The following RBFOX1 variants were observed in gnomAD, a reference collection of about 807,000 sequenced individuals.
The protein encoded by RBFOX1 is RNA binding protein fox-1 homolog 1.
In RBFOX1, 8 loss-of-function variants were observed where a neutral mutation model predicts 57.7. The ratio of observed to expected loss-of-function variants is 0.14; its 90% CI spans 0.08 to 0.25. RBFOX1 has a LOEUF of 0.25. Among genes scored for constraint, RBFOX1 ranks in the 10% least tolerant of loss-of-function variants. RBFOX1 has a pLI of 1.00. For missense variants in RBFOX1, 611 were observed against 548.5 expected, an observed-to-expected ratio of 1.11 and a Z score of -1.14; for synonymous variants, 326 against 222.4, an observed-to-expected ratio of 1.47 and a Z score of -4.15.
At chr16:6,607,589 C>CCTCT (rs942211562) in intron 2 of RBFOX1, among the ~76,000 whole-genome samples, 1 of 149,778 alleles carries the variant, frequency 6.7e-6, no homozygotes. Flanking sequence ...CTGTCTCCCT[C>CCTCT]CTCTCTCTCT....
At chr16:6,944,393 C>G (rs74958287) in intron 3 of RBFOX1, among the ~76,000 whole-genome samples, 18,607 of 125,440 alleles carry the variant, frequency 0.15, 1,309 homozygotes, top group East Asian at 0.28. Flanking sequence ...GACTCCATCT[C>G]AGAGAAAAAA....
rs60150908 is a variant in RBFOX1 at position 6,277,665 on chromosome 16, CAAA to C, written c.-126-39311_-126-39309del. Among the ~76,000 whole-genome samples, 878 of 119,052 alleles carry C rather than the reference CAAA, an allele frequency of 7.4e-3. 4 individuals carry two copies. Among genetic ancestry groups the C allele is most frequent in the African/African-American group, 0.016 (494 of 30,716 alleles). The allele number at this position is 119,052 out of a possible 152,430, so 78.1% of individuals were successfully genotyped here. A position where few individuals can be genotyped will look rare whatever the true frequency, so the allele number is the denominator to read the frequency against. ...TGGGCTACAGAGAAAGACCTTGTCTCAAAAAAAAAAAAAAAAAAAAATGTCCAT... is the reference window on the plus strand; with the variant it reads ...TGGGCTACAGAGAAAGACCTTGTCTCAAAAAAAAAAAAAAAAAATGTCCAT... On this transcript the variant is annotated intron_variant, in intron 1 of 15. Transcript: ENST00000550418.
rs1387778686 is a variant in RBFOX1 at position 6,019,398 on chromosome 16, C to G, written c.-721C>G. The G allele has an allele frequency of 4.1e-6, 4 of 986,224 alleles. No homozygotes were observed. In the African/African-American group the frequency reaches 7.0e-5, roughly 17 times the overall value. The allele number at this position is 986,224 out of a possible 1,614,324, so 61.1% of individuals were successfully genotyped here. A position where few individuals can be genotyped will look rare whatever the true frequency, so the allele number is the denominator to read the frequency against. ...TGCCCTGAAGTGGTTCTCCAAGCAGCGCGGAGGGTGGCGGACGGCGGACGG... is the reference window on the plus strand; with the variant it reads ...TGCCCTGAAGTGGTTCTCCAAGCAGGGCGGAGGGTGGCGGACGGCGGACGG... On this transcript the variant is annotated 5_prime_UTR_variant, in exon 1 of 16. Transcript: ENST00000550418. The surrounding 1 kb of genome is among the most constrained non-coding windows in gnomAD (Gnocchi z 4.2).
chr16:7,134,141 C>T (rs2071272061), intron 4 of RBFOX1, among the ~76,000 whole-genome samples: 1 of 152,054 alleles, frequency 6.6e-6, no homozygotes, highest in African/African-American at 2.4e-5. Context: ...ATCATAAAAA[C>T]GGTGGTCAGC....
chr16:7,466,184 G>T (rs369316860), intron 4 of RBFOX1, among the ~76,000 whole-genome samples: 4 of 152,292 alleles, frequency 2.6e-5, no homozygotes, highest in African/African-American at 9.6e-5. Context: ...AGCTAGCACA[G>T]TTGTAATTTG....
At chr16:7,671,420 G>A in intron 13 of RBFOX1, 1 of 721,896 alleles carries the variant, frequency 1.4e-6, no homozygotes, top group Non-Finnish European at 2.3e-6. Flanking sequence ...CAGCTTGGTG[G>A]GCCAGTCCCA....
rs76599179 is a variant in RBFOX1 at position 7,415,130 on chromosome 16, A to G, written c.28-103017A>G. Reference sequence around the variant, plus strand: ...CTGTAATCCTCTTAAGGAACTAATTATTTTGTTACCATTTTCTGTATTTAT... The same window carrying G: ...CTGTAATCCTCTTAAGGAACTAATTGTTTTGTTACCATTTTCTGTATTTAT... On this transcript the variant is annotated intron_variant, in intron 4 of 15. Transcript: ENST00000550418. Among the ~76,000 whole-genome samples, 293 of 152,286 alleles carry G rather than the reference A, an allele frequency of 1.9e-3. 2 individuals are homozygous for G. The highest frequency in any genetic ancestry group is 6.7e-3 in the African/African-American group (280 of 41,566).
chr16:6,436,121 A>G (rs2153015867), intron 2 of RBFOX1, among the ~76,000 whole-genome samples: 1 of 152,308 alleles, frequency 6.6e-6, no homozygotes, highest in Non-Finnish European at 1.5e-5. Flanking sequence ...GAATACTTTA[A>G]AAAAGAAATA....
chr16:6,778,790 C>T (rs556342257), intron 3 of RBFOX1, among the ~76,000 whole-genome samples: 21 of 151,744 alleles, frequency 1.4e-4, no homozygotes, highest in Non-Finnish European at 2.5e-4. Context: ...ATAAATCCAC[C>T]TTATAAATTA....
intron 3 of RBFOX1, among the ~76,000 whole-genome samples, chr16:6,713,717 C>T (rs943250400): frequency 1.1e-4 from 16 of 152,190 alleles, no homozygotes; most frequent in African/African-American, 3.6e-4. Flanking sequence ...AACCTCTCTT[C>T]CTCTCTCTTT....
intron 4 of RBFOX1, among the ~76,000 whole-genome samples, chr16:7,161,062 C>G (rs918230445): frequency 1.3e-5 from 2 of 151,634 alleles, no homozygotes; most frequent in African/African-American, 4.9e-5. Context: ...TCCCAGCTAC[C>G]CAGATGACTA....
chr16:6,164,791 C>A (rs374601807), intron 1 of RBFOX1, among the ~76,000 whole-genome samples: 3 of 152,092 alleles, frequency 2.0e-5, no homozygotes, highest in Non-Finnish European at 4.4e-5. Flanking sequence ...TTTTAATTGC[C>A]TGTAAACACA....
chr16:6,150,093 A>G (rs2096787050), intron 1 of RBFOX1, among the ~76,000 whole-genome samples: 1 of 152,216 alleles, frequency 6.6e-6, no homozygotes, highest in Admixed American at 6.5e-5. Context: ...GTAGATGATG[A>G]AAAATCATGG....
intron 1 of RBFOX1, among the ~76,000 whole-genome samples, chr16:6,304,742 A>T (rs1180363250): frequency 6.6e-6 from 1 of 151,886 alleles, no homozygotes; most frequent in African/African-American, 2.4e-5. Flanking sequence ...AAAACTAGCC[A>T]GGTGCGGTGG....
intron 2 of RBFOX1, among the ~76,000 whole-genome samples, chr16:6,593,726 G>A (rs1373344383): frequency 6.6e-6 from 1 of 152,122 alleles, no homozygotes; most frequent in African/African-American, 2.4e-5. Flanking sequence ...TTTTACAGAG[G>A]CATGCCATTC....
intron 6 of RBFOX1, among the ~76,000 whole-genome samples, chr16:7,583,602 G>T (rs1027613466): frequency 2.6e-5 from 4 of 152,174 alleles, no homozygotes; most frequent in African/African-American, 9.7e-5. Flanking sequence ...GGAATTGTCA[G>T]AAACAGTTGC....
intron 2 of RBFOX1, among the ~76,000 whole-genome samples, chr16:5,505,246 C>T (rs779160434): frequency 3.9e-5 from 6 of 152,204 alleles, no homozygotes; most frequent in Non-Finnish European, 8.8e-5. Context: ...ATTTCCACCT[C>T]TGTGCTTAAC....
intron 3 of RBFOX1, among the ~76,000 whole-genome samples, chr16:7,023,283 A>T (rs1379572168): frequency 6.6e-6 from 1 of 151,908 alleles, no homozygotes; most frequent in Non-Finnish European, 1.5e-5. Flanking sequence ...CCAAGACCAG[A>T]CCGCATCTCT....
In RBFOX1 at chr16:6,336,379, T is replaced by G. The variant is rs181029517; in HGVS notation, c.-64+19322T>G. On this transcript the variant is annotated intron_variant, in intron 2 of 15. Coordinates refer to ENST00000550418, the MANE Select transcript of RBFOX1 (RefSeq NM_018723.4). ...CCTGGCTAATTTTTTGTATTTTTAG[T>G]AGAGACGGGGAACTGTGATTTATTT... 1.6e-3 allele frequency among the ~76,000 whole-genome samples: 247 copies of G among 151,154 alleles called. 1 individual carries two copies. In the East Asian group the frequency reaches 0.026, roughly 16 times the overall value.
Sources: allele counts gnomAD v4.1 joint callset (sites outside exome capture counted in the v4.1 genomes callset), GRCh38; gene constraint gnomAD v4.1.1; non-coding constraint Gnocchi (gnomAD v3.1); transcripts MANE v1.5; gene names NCBI Gene and HGNC (gene_info 2026-07-23, HGNC 2026-07-21).